ANO3: variants seen among roughly 807,000 people sequenced by gnomAD.
The protein encoded by ANO3 is anoctamin-3.
A neutral mutation model predicts 144.8 loss-of-function variants in ANO3; 99 were observed. The ratio of observed to expected loss-of-function variants is 0.68; its 90% confidence interval spans 0.58 to 0.81. The LOEUF (loss-of-function observed/expected upper bound fraction) is 0.81, where lower values mean the gene tolerates loss of function less well. Among genes scored for constraint, ANO3 ranks in the 30% least tolerant of loss-of-function variants. The pLI is 0.00. For missense variants in ANO3, 905 were observed against 1,202.2 expected, an observed-to-expected ratio of 0.75 and a Z score of 3.66; for synonymous variants, 414 against 392.6, an observed-to-expected ratio of 1.05 and a Z score of -0.64.
intron 1 of ANO3, among the ~76,000 whole-genome samples, chr11:26,273,371 C>A (rs761236059): frequency 6.6e-6 from 1 of 151,684 alleles, no homozygotes; most frequent in Non-Finnish European, 1.5e-5. Context: ...TCATAAGGAC[C>A]TTTAAGGCTC....
intron 1 of ANO3, among the ~76,000 whole-genome samples, chr11:26,380,025 T>C (rs2133948982): frequency 6.6e-6 from 1 of 152,286 alleles, no homozygotes; most frequent in Non-Finnish European, 1.5e-5. Flanking sequence ...TGTCTACAAC[T>C]TCTGAGTTGT....
At chr11:26,265,507 T>G (rs1275375221) in intron 1 of ANO3, among the ~76,000 whole-genome samples, 1 of 152,150 alleles carries the variant, frequency 6.6e-6, no homozygotes, top group Non-Finnish European at 1.5e-5. Flanking sequence ...GTATCGCACA[T>G]AAAATATAAA....
intron 7 of ANO3, among the ~76,000 whole-genome samples, chr11:26,529,637 C>T (rs1177519218): frequency 6.7e-6 from 1 of 148,990 alleles, no homozygotes; most frequent in African/African-American, 2.5e-5. Flanking sequence ...TTCTATCCTG[C>T]TATTTGGACT....
At chr11:26,405,664 A>G (rs904159066) in intron 1 of ANO3, among the ~76,000 whole-genome samples, 1 of 151,972 alleles carries the variant, frequency 6.6e-6, no homozygotes, top group African/African-American at 2.4e-5. Context: ...TGGCAAAATT[A>G]CATATGCAAC....
At chr11:26,429,355 A>G (rs1414957853) in intron 1 of ANO3, among the ~76,000 whole-genome samples, 1 of 152,136 alleles carries the variant, frequency 6.6e-6, no homozygotes, top group Admixed American at 6.6e-5. Flanking sequence ...AATACCAAAC[A>G]GTAGAATTCT....
At chr11:26,553,155 G>A in intron 12 of ANO3, 94 bp from the exon 13 acceptor site, 1 of 892,252 alleles carries the variant, frequency 1.1e-6, no homozygotes, top group Admixed American at 1.9e-5. Flanking sequence ...CTGCCTTGCT[G>A]GTTCCAACAG....
intron 1 of ANO3, among the ~76,000 whole-genome samples, chr11:26,252,259 C>T (rs1305624536): frequency 2.0e-5 from 3 of 152,238 alleles, no homozygotes; most frequent in Non-Finnish European, 2.9e-5. Flanking sequence ...AATACACAAA[C>T]GCATCATAAG....
intron 1 of ANO3, among the ~76,000 whole-genome samples, chr11:26,366,239 G>A (rs1442543075): frequency 6.6e-6 from 1 of 151,896 alleles, no homozygotes; most frequent in Non-Finnish European, 1.5e-5. Context: ...ATGAGAACAT[G>A]CGGTGTTTGG....
At chr11:26,455,121 T>G (rs1408333450) in intron 3 of ANO3, among the ~76,000 whole-genome samples, 4 of 152,034 alleles carry the variant, frequency 2.6e-5, no homozygotes, top group Non-Finnish European at 4.4e-5. Context: ...AATATCATAC[T>G]GAATGGGCAA....
chr11:26,395,007 ACAT>A (rs1297466430), intron 1 of ANO3, among the ~76,000 whole-genome samples: 2 of 152,182 alleles, frequency 1.3e-5, no homozygotes, highest in Non-Finnish European at 2.9e-5. Context: ...TCTGGGAACA[ACAT>A]CATATTATGG....
At chr11:26,426,711 C>T (rs1408786708) in intron 1 of ANO3, among the ~76,000 whole-genome samples, 1 of 152,138 alleles carries the variant, frequency 6.6e-6, no homozygotes, top group African/African-American at 2.4e-5. Context: ...TGCCACCACA[C>T]ATGTAGTAAT....
At chr11:26,275,193 A>G (rs1853530439) in intron 1 of ANO3, among the ~76,000 whole-genome samples, 1 of 152,046 alleles carries the variant, frequency 6.6e-6, no homozygotes, top group Admixed American at 6.6e-5. Flanking sequence ...TGGAATCTGG[A>G]TTTGTTCTTA....
At chr11:26,191,319 T>C (rs11605956) in intron 1 of ANO3, among the ~76,000 whole-genome samples, 38,617 of 149,722 alleles carry the variant, frequency 0.26, 5,514 homozygotes, top group Non-Finnish European at 0.31. Context: ...CACACACACA[T>C]ATATATATAC....
At chr11:26,334,771 A>C (rs1855150055) in intron 1 of ANO3, among the ~76,000 whole-genome samples, 1 of 152,336 alleles carries the variant, frequency 6.6e-6, no homozygotes, top group Admixed American at 6.5e-5. Context: ...TGAAAAATCC[A>C]GTTGATGGAA....
chr11:26,380,597 CA>C (rs1856562917), intron 1 of ANO3, among the ~76,000 whole-genome samples: 1 of 152,150 alleles, frequency 6.6e-6, no homozygotes, highest in East Asian at 1.9e-4. Flanking sequence ...TTAATGAAAT[CA>C]CCTTCTAGAG....
chr11:26,512,920 A>C (rs1467485239), intron 5 of ANO3, among the ~76,000 whole-genome samples: 1 of 152,216 alleles, frequency 6.6e-6, no homozygotes, highest in Admixed American at 6.5e-5. Context: ...TTCTCAAAAT[A>C]GGTTAACTTA....
At chr11:26,483,717 G>A (rs1908175) in intron 4 of ANO3, among the ~76,000 whole-genome samples, 8,067 of 152,208 alleles carry the variant, frequency 0.053, 407 homozygotes, top group African/African-American at 0.13. Flanking sequence ...CAGAAAATTG[G>A]TGCTGGGAGG....
chr11:26,331,463 C>T (rs960282356), upstream of ANO3: 1 of 152,158 alleles, frequency 6.6e-6, no homozygotes, highest in Non-Finnish European at 1.5e-5. Flanking sequence ...CTTGAGAAAT[C>T]TTTGTTGCTC....
At chr11:26,406,524 A>C (rs545880315) in intron 1 of ANO3, among the ~76,000 whole-genome samples, 1 of 151,962 alleles carries the variant, frequency 6.6e-6, no homozygotes, top group South Asian at 2.1e-4. Context: ...CCAGTTTGGC[A>C]TAGTTAGAAA....
Sources: gnomAD v4.1 joint callset for allele counts (sites outside exome capture counted in the v4.1 genomes callset) on GRCh38, gnomAD v4.1.1 for gene constraint, MANE v1.5 for transcripts, NCBI Gene and HGNC (gene_info 2026-07-23, HGNC 2026-07-21) for gene names.